AMZ1: variants seen among roughly 807,000 people sequenced by gnomAD.
The protein encoded by AMZ1 is archaelysin family metallopeptidase 1.
A neutral mutation model predicts 29.9 loss-of-function variants in AMZ1; 39 were observed. The observed-to-expected ratio is 1.30, with a 90% CI of 1.01 to 1.70. AMZ1 has a LOEUF of 1.70. Ranked by LOEUF, AMZ1 falls within the 40% of genes most tolerant of loss-of-function variation. The probability of loss-of-function intolerance (pLI) is 0.00; values close to 1 mark genes in which losing one functional copy is unlikely to be tolerated. For missense variants in AMZ1, 1,041 were observed against 680.6 expected, an observed-to-expected ratio of 1.53 and a Z score of -5.89; for synonymous variants, 458 against 304.0, an observed-to-expected ratio of 1.51 and a Z score of -5.27.
intron 4 of AMZ1, among the ~76,000 whole-genome samples, chr7:2,747,074 C>T (rs1021900018): frequency 7.2e-5 from 11 of 152,130 alleles, no homozygotes; most frequent in African/African-American, 2.4e-4. Context: ...ATTCAACAGC[C>T]GAATTCTACC....
intron 4 of AMZ1, among the ~76,000 whole-genome samples, chr7:2,737,274 G>GTTTTGTTTTGTTTTGTTTTTTTTTT (rs1790242698): frequency 2.9e-5 from 1 of 35,032 alleles, no homozygotes; most frequent in African/African-American, 9.9e-5. Context: ...GTTTTGTTTT[G>GTTTTGTTTTGTTTTGTTTTTTTTTT]TTTTTTTTTT....
intron 1 of AMZ1, among the ~76,000 whole-genome samples, chr7:2,690,718 C>T (rs377616546): frequency 7.9e-5 from 12 of 152,168 alleles, no homozygotes; most frequent in Admixed American, 2.6e-4. Flanking sequence ...CAAAACTTGT[C>T]GCTGTGGCCC....
intron 6 of AMZ1, among the ~76,000 whole-genome samples, chr7:2,711,090 CT>C (rs1185975819): frequency 6.6e-6 from 1 of 152,224 alleles, no homozygotes; most frequent in Non-Finnish European, 1.5e-5. Context: ...TGGATCTGAG[CT>C]GGAGGGTGTA....
chr7:2,724,012 T>C (rs997172963), downstream of AMZ1, among the ~76,000 whole-genome samples: 1 of 151,962 alleles, frequency 6.6e-6, no homozygotes, highest in Non-Finnish European at 1.5e-5. Context: ...GTTCAGGCAA[T>C]TCTCTGCCTC....
upstream of AMZ1, chr7:2,762,483 G>C (rs1475719213): frequency 4.2e-6 from 3 of 710,988 alleles, no homozygotes; most frequent in Non-Finnish European, 6.5e-6. Flanking sequence ...ACCCGTGTGC[G>C]GGGCCTGAGG....
At chr7:2,696,700 A>T (rs1787768377) in intron 1 of AMZ1, among the ~76,000 whole-genome samples, 1 of 151,794 alleles carries the variant, frequency 6.6e-6, no homozygotes, top group African/African-American at 2.4e-5. Flanking sequence ...AACCTGGCCA[A>T]CATGGTGAAA....
At chr7:2,694,263 TCGC>T (rs938910939) in intron 1 of AMZ1, among the ~76,000 whole-genome samples, 2 of 152,158 alleles carry the variant, frequency 1.3e-5, no homozygotes, top group Non-Finnish European at 2.9e-5. Flanking sequence ...ATTTCCTGCC[TCGC>T]CGCTGGAGCT....
chr7:2,762,846 G>A (rs941967806), upstream of AMZ1: 22 of 1,484,018 alleles, frequency 1.5e-5, no homozygotes, highest in Non-Finnish European at 1.9e-5. Flanking sequence ...GCGCGGCTCC[G>A]AAGCAGGAGA....
intron 1 of AMZ1, among the ~76,000 whole-genome samples, chr7:2,691,751 A>AAAAAAAAGGG (rs1787403678): frequency 6.6e-6 from 1 of 150,590 alleles, no homozygotes; most frequent in Non-Finnish European, 1.5e-5. Context: ...AAAAAAAATA[A>AAAAAAAAGGG]GTGATTTTGG....
chr7:2,721,651 GGTTGC>G (rs1235907233), downstream of AMZ1, among the ~76,000 whole-genome samples: 3 of 151,918 alleles, frequency 2.0e-5, no homozygotes, highest in Non-Finnish European at 4.4e-5. Context: ...GGGAGGTGGA[GGTTGC>G]AGTGAGCCGA....
chr7:2,725,650 G>T (rs1489967622), intron 4 of AMZ1, among the ~76,000 whole-genome samples: 1 of 152,210 alleles, frequency 6.6e-6, no homozygotes, highest in East Asian at 1.9e-4. Context: ...TCCACACCCT[G>T]TGGGCTCCAC....
chr7:2,716,344 G>A lies in AMZ1; in HGVS notation c.*3466G>A, dbSNP rs1789121602. The A allele has an allele frequency of 1.3e-5, 2 of 152,212 alleles. No individual in the cohort carries two copies. The highest frequency in any genetic ancestry group is 4.8e-5 in the African/African-American group (2 of 41,442). The allele number at this position is 152,212 out of a possible 1,614,324, so 9.4% of individuals were successfully genotyped here. On this transcript the variant is annotated 3_prime_UTR_variant, in exon 7 of 7. Coordinates refer to ENST00000683327, the MANE Select transcript of AMZ1 (RefSeq NM_001384743.1). The stretch of plus-strand genomic sequence containing the variant: ...TTGTCAGAGTGGGGAGAGGGGAGAA[G>A]CAGCATCCTGACTCCTGTCCATGGT...
Position 2,708,588 on chromosome 7 carries a change from A to G in AMZ1, c.473A>G (p.Asp158Gly), listed in dbSNP as rs373363355. 1.9e-5 allele frequency: 30 copies of G among 1,612,292 alleles called. No homozygotes were observed. The South Asian group carries it at 2.4e-4, about 13-fold the overall frequency. The change falls in exon 4 of 7, where the codon GAC (aspartate) becomes GGC (glycine). Residue 158 changes from aspartate (D) to glycine (G), a missense_variant and splice_region_variant. Coordinates refer to ENST00000683327, the MANE Select transcript of AMZ1 (RefSeq NM_001384743.1). ...CCATCCTCTGGCCCTCTCCCCGCAGACGGCATCCTGTCCTTCTTGAAGAAC... is the reference window on the plus strand; with the variant it reads ...CCATCCTCTGGCCCTCTCCCCGCAGGCGGCATCCTGTCCTTCTTGAAGAAC... ...RDSDRLQLHT[D>G]GILSFLKNNK...
At chr7:2,689,573 G>A (rs529103321) in intron 1 of AMZ1, among the ~76,000 whole-genome samples, 74 of 152,216 alleles carry the variant, frequency 4.9e-4, no homozygotes, top group Non-Finnish European at 9.8e-4. Context: ...AGTGTGAAGC[G>A]TGGCTTTGAA....
In AMZ1 at chr7:2,708,581, C is replaced by CAAATGG. The variant is rs1788515184; in HGVS notation, c.473-7_473-6insAAATGG. ...CCTGACCCCATCCTCTGGCCCTCTCCCCGCAGACGGCATCCTGTCCTTCTT... is the reference window on the plus strand; with the variant it reads ...CCTGACCCCATCCTCTGGCCCTCTCCAAATGGCCGCAGACGGCATCCTGTCCTTCTT... On this transcript the variant is annotated splice_region_variant and splice_polypyrimidine_tract_variant and intron_variant, in intron 3 of 6. Coordinates refer to ENST00000683327, the MANE Select transcript of AMZ1 (RefSeq NM_001384743.1). 8.7e-6 allele frequency: 14 copies of CAAATGG among 1,611,898 alleles called. No homozygotes were observed. Among genetic ancestry groups the CAAATGG allele is most frequent in the African/African-American group, 1.3e-5 (1 of 74,900 alleles).
chr7:2,732,756 T>A (rs1034108953), intron 4 of AMZ1, among the ~76,000 whole-genome samples: 1 of 152,010 alleles, frequency 6.6e-6, no homozygotes, highest in African/African-American at 2.4e-5. Context: ...GTCCACATGG[T>A]AAGAAACCCT....
intron 4 of AMZ1, among the ~76,000 whole-genome samples, chr7:2,743,687 G>T (rs2115336734): frequency 6.6e-6 from 1 of 152,286 alleles, no homozygotes; most frequent in South Asian, 2.1e-4. Context: ...CAGACAGTGG[G>T]CGCAGCGCAC....
intron 4 of AMZ1, among the ~76,000 whole-genome samples, chr7:2,749,618 A>G (rs1790929721): frequency 6.6e-6 from 1 of 152,190 alleles, no homozygotes; most frequent in Non-Finnish European, 1.5e-5. Flanking sequence ...ATATGTAACA[A>G]ACCTGCACGT....
intron 1 of AMZ1, among the ~76,000 whole-genome samples, chr7:2,696,381 C>T (rs1489146797): frequency 3.3e-5 from 5 of 150,942 alleles, no homozygotes; most frequent in East Asian, 2.0e-4. Context: ...CTCAGCCTCC[C>T]AAGTAGCTGG....
Sources: allele counts gnomAD v4.1 joint callset (sites outside exome capture counted in the v4.1 genomes callset), GRCh38; gene constraint gnomAD v4.1.1; transcripts MANE v1.5; gene names NCBI Gene and HGNC (gene_info 2026-07-23, HGNC 2026-07-21).